BRAF: variants seen among roughly 807,000 people sequenced by gnomAD.
BRAF encodes the protein B-Raf proto-oncogene, serine/threonine kinase, also known as serine/threonine-protein kinase B-raf.
In BRAF, 16 loss-of-function variants were observed where a neutral mutation model predicts 104.6. The observed-to-expected ratio is 0.15, with a 90% CI of 0.10 to 0.23. The LOEUF (loss-of-function observed/expected upper bound fraction) is 0.23, where lower values mean the gene tolerates loss of function less well. Among genes scored for constraint, BRAF ranks in the 10% least tolerant of loss-of-function variants. The pLI, the probability that BRAF is intolerant of heterozygous loss-of-function variation, is 1.00. For missense variants in BRAF, 541 were observed against 937.3 expected (o/e 0.58, Z 5.52); for synonymous variants, 310 against 341.6 (o/e 0.91, Z 1.02).
At chr7:140,728,660 T>C (rs1397880681) in intron 19 of BRAF, among the ~76,000 whole-genome samples, 1 of 152,194 alleles carries the variant, frequency 6.6e-6, no homozygotes, top group African/African-American at 2.4e-5. Context: ...CAAACATTCT[T>C]ACTATTGTTG....
In BRAF at chr7:140,722,503, C is replaced by CTG; in HGVS notation, c.*3989_*3990dup. 2 of 1,056,506 alleles carry CTG rather than the reference C, an allele frequency of 1.9e-6. No individual in the cohort carries two copies. The highest frequency in any genetic ancestry group is 2.3e-6 in the Non-Finnish European group (2 of 873,764). 65.4% of individuals were successfully genotyped at this position (1,056,506 alleles called of 1,614,324 possible). ...CACCTACACCATTTCAACTCATGAC[C>CTG]TGTAAGCTATTTGCTGTTCATACTC... On this transcript the variant is annotated 3_prime_UTR_variant, in exon 20 of 20. Transcript: ENST00000644969.
chr7:140,798,009 T>C (rs987685205), intron 7 of BRAF, among the ~76,000 whole-genome samples: 2 of 152,186 alleles, frequency 1.3e-5, no homozygotes, highest in Non-Finnish European at 2.9e-5. Context: ...AATAGGTAAG[T>C]ATACTCACTG....
chr7:140,902,920 CTTTTTT>C (rs111746402), intron 1 of BRAF, among the ~76,000 whole-genome samples: 1 of 125,538 alleles, frequency 8.0e-6, no homozygotes, highest in Non-Finnish European at 1.6e-5. Context: ...GACAGGATGA[CTTTTTT>C]TTTTTTTTTT....
chr7:140,839,301 T>G (rs766325865), intron 2 of BRAF, among the ~76,000 whole-genome samples: 1 of 152,128 alleles, frequency 6.6e-6, no homozygotes, highest in Non-Finnish European at 1.5e-5. Flanking sequence ...ATAGACTCCA[T>G]CTTTACAAAA....
intron 7 of BRAF, chr7:140,799,781 T>C (rs1259013572): frequency 4.2e-6 from 1 of 237,482 alleles, no homozygotes; most frequent in African/African-American, 2.2e-5. Flanking sequence ...AAATTGTAGA[T>C]TATAATTATA....
intron 2 of BRAF, among the ~76,000 whole-genome samples, chr7:140,840,489 A>G (rs1051585449): frequency 4.6e-5 from 7 of 152,082 alleles, no homozygotes; most frequent in African/African-American, 1.7e-4. Context: ...TCTACTATCT[A>G]GAATATATAA....
chr7:140,852,007 A>T (rs1809216210), intron 1 of BRAF, among the ~76,000 whole-genome samples: 1 of 152,158 alleles, frequency 6.6e-6, no homozygotes, highest in African/African-American at 2.4e-5. Context: ...CTTGTCATAT[A>T]AAGTCTTGCT....
chr7:140,902,293 G>A (rs11974522), intron 1 of BRAF, among the ~76,000 whole-genome samples: 4,202 of 152,166 alleles, frequency 0.028, 205 homozygotes, highest in African/African-American at 0.094. Flanking sequence ...GGGGTGCCAC[G>A]AACCACACCC....
downstream of BRAF, among the ~76,000 whole-genome samples, chr7:140,717,475 T>TGGCTTCAAGTGATCCTCCC (rs577895562): frequency 1.1e-4 from 17 of 152,272 alleles, no homozygotes; most frequent in South Asian, 2.1e-3. Flanking sequence ...CTGGAACTCC[T>TGGCTTCAAGTGATCCTCCC]GGCTTCAAGT....
At chr7:140,911,676 T>C (rs912346597) in intron 1 of BRAF, among the ~76,000 whole-genome samples, 2 of 152,014 alleles carry the variant, frequency 1.3e-5, no homozygotes, top group African/African-American at 4.8e-5. Flanking sequence ...TGGAGAGTGT[T>C]TGAAAGAAAG....
chr7:140,898,159 T>G (rs1815178199), intron 1 of BRAF, among the ~76,000 whole-genome samples: 1 of 152,072 alleles, frequency 6.6e-6, no homozygotes, highest in Non-Finnish European at 1.5e-5. Context: ...ACTACTGCAC[T>G]CCAGCCTGGG....
At chr7:140,820,222 T>C (rs1805329617) in intron 3 of BRAF, among the ~76,000 whole-genome samples, 1 of 152,212 alleles carries the variant, frequency 6.6e-6, no homozygotes. Flanking sequence ...ACATTCCATG[T>C]TGGCCAGGAT....
chr7:140,920,820 AC>A (rs1391613777), intron 1 of BRAF, among the ~76,000 whole-genome samples: 3 of 152,234 alleles, frequency 2.0e-5, no homozygotes, highest in Non-Finnish European at 4.4e-5. Context: ...AATACCAAAG[AC>A]AAACAACTAT....
chr7:140,914,965 G>C (rs1217274191), intron 1 of BRAF, among the ~76,000 whole-genome samples: 1 of 45,014 alleles, frequency 2.2e-5, no homozygotes, highest in Non-Finnish European at 4.1e-5. Context: ...ACTTGAACCC[G>C]GGGGGGGGGG....
intron 3 of BRAF, among the ~76,000 whole-genome samples, chr7:140,832,978 A>G (rs1331466623): frequency 6.6e-6 from 1 of 150,798 alleles, no homozygotes; most frequent in Admixed American, 6.6e-5. Flanking sequence ...GGTTCACAGC[A>G]CTATCCTGCC....
chr7:140,727,918 G>A (rs1206832330), intron 19 of BRAF, among the ~76,000 whole-genome samples: 1 of 152,140 alleles, frequency 6.6e-6, no homozygotes, highest in Non-Finnish European at 1.5e-5. Context: ...ACCATGCCCG[G>A]CCAGCCATAT....
At chr7:140,841,535 GT>G (rs986106203) in intron 2 of BRAF, among the ~76,000 whole-genome samples, 3 of 152,142 alleles carry the variant, frequency 2.0e-5, no homozygotes, top group Non-Finnish European at 4.4e-5. Context: ...TGATATATGT[GT>G]ATGATGAAAT....
intron 1 of BRAF, among the ~76,000 whole-genome samples, chr7:140,856,930 A>T (rs545066247): frequency 3.3e-4 from 50 of 152,346 alleles, no homozygotes; most frequent in African/African-American, 1.2e-3. Context: ...CTGACAACCT[A>T]GAAAAAGGAA....
At chr7:140,908,558 C>A (rs1291633055) in intron 1 of BRAF, among the ~76,000 whole-genome samples, 2 of 152,038 alleles carry the variant, frequency 1.3e-5, no homozygotes, top group Admixed American at 1.3e-4. Context: ...CCTGGACCAC[C>A]CAGACAGAGC....
Sources: gnomAD v4.1 joint callset for allele counts (sites outside exome capture counted in the v4.1 genomes callset) on GRCh38, gnomAD v4.1.1 for gene constraint, MANE v1.5 for transcripts, NCBI Gene and HGNC (gene_info 2026-07-23, HGNC 2026-07-21) for gene names.